RC3H2: variants seen among roughly 807,000 people sequenced by gnomAD.
The protein encoded by RC3H2 is ring finger and CCCH-type domains 2, also known as roquin-2.
RC3H2 carries 31 observed loss-of-function variants against 133.3 expected under a neutral mutation model. The ratio of observed to expected loss-of-function variants is 0.23; its 90% confidence interval spans 0.17 to 0.31. The LOEUF is 0.31. Ranked by LOEUF, RC3H2 falls within the 10% of genes least tolerant of loss-of-function variation. The pLI is 1.00. For missense variants in RC3H2, 1,175 were observed against 1,437.2 expected (o/e 0.82, Z 2.95); for synonymous variants, 517 against 502.2 (o/e 1.03, Z -0.40).
rs56340543 is a variant in RC3H2, at chr9:122,875,305, A to C, written c.1325+2166T>G. On this transcript the variant is annotated intron_variant, in intron 9 of 20. Coordinates refer to ENST00000357244, the MANE Select transcript of RC3H2 (RefSeq NM_001100588.3). ...GCTGCTTGTAGAGCTCATTATGTAC[A>C]GTGCCCAAGCTAGCCACTGAGGAAA... 2.1e-3 allele frequency: 3,181 copies of C among 1,550,590 alleles called. 17 individuals are homozygous for C. The highest frequency in any genetic ancestry group is 2.3e-3 in the Non-Finnish European group (2,601 of 1,147,002).
intron 9 of RC3H2, among the ~76,000 whole-genome samples, chr9:122,866,080 A>C (rs1484408932): frequency 6.6e-6 from 1 of 152,214 alleles, no homozygotes; most frequent in Non-Finnish European, 1.5e-5. Flanking sequence ...AAGGTATGCA[A>C]GAGCTGAAGC....
intron 10 of RC3H2, among the ~76,000 whole-genome samples, chr9:122,865,098 C>A (rs1393997918): frequency 6.6e-6 from 1 of 152,170 alleles, no homozygotes; most frequent in African/African-American, 2.4e-5. Context: ...CTGGTCCAGT[C>A]TCTTTGGGAG....
intron 9 of RC3H2, among the ~76,000 whole-genome samples, chr9:122,872,399 A>T (rs551969124): frequency 4.6e-5 from 7 of 152,360 alleles, no homozygotes; most frequent in African/African-American, 1.7e-4. Flanking sequence ...CCATCCATGC[A>T]GACACCAGAG....
intron 1 of RC3H2, among the ~76,000 whole-genome samples, chr9:122,902,832 TAGAG>T (rs1403840149): frequency 2.4e-4 from 34 of 139,392 alleles, no homozygotes; most frequent in African/African-American, 6.5e-4. Flanking sequence ...GCATGGGTGA[TAGAG>T]AGAGACTGTC....
chr9:122,851,990 G>A (rs1483299088), intron 18 of RC3H2, among the ~76,000 whole-genome samples: 1 of 150,770 alleles, frequency 6.6e-6, no homozygotes, highest in Non-Finnish European at 1.5e-5. Flanking sequence ...CCTCTGCCTG[G>A]CTGCCCAGTC....
chr9:122,893,490 T>A (rs543728623), intron 2 of RC3H2, among the ~76,000 whole-genome samples: 7 of 152,202 alleles, frequency 4.6e-5, no homozygotes, highest in African/African-American at 7.2e-5. Flanking sequence ...TGAGACTCCA[T>A]CTCAAAATAA....
intron 1 of RC3H2, among the ~76,000 whole-genome samples, chr9:122,899,451 G>A (rs1040393076): frequency 3.3e-5 from 5 of 151,952 alleles, no homozygotes; most frequent in African/African-American, 1.2e-4. Flanking sequence ...TGAATTACAG[G>A]GCTTGCTATG....
chr9:122,884,634 C>T (rs1831815672), intron 4 of RC3H2, among the ~76,000 whole-genome samples: 1 of 152,010 alleles, frequency 6.6e-6, no homozygotes, highest in Non-Finnish European at 1.5e-5. Context: ...GGGCACATCA[C>T]CTGAGGTCAT....
In RC3H2 at chr9:122,851,527, T is replaced by C. The variant is rs1411067685; in HGVS notation, c.3118-91A>G. ...TGGTCTCCCTCTCCCTCTCTTTCCA[T>C]GGTCTCCCTCTCATGCCGAGCCGAA... On this transcript the variant is annotated intron_variant, in intron 18 of 20. Coordinates refer to ENST00000357244, the MANE Select transcript of RC3H2 (RefSeq NM_001100588.3). 24 of 1,509,370 alleles carry C rather than the reference T, an allele frequency of 1.6e-5. No homozygotes were observed. In the Admixed American group the frequency reaches 1.8e-4, roughly 11 times the overall value. 93.5% of individuals were successfully genotyped at this position (1,509,370 alleles called of 1,614,324 possible).
chr9:122,850,619 A>G (rs1042901681), intron 20 of RC3H2, among the ~76,000 whole-genome samples: 5 of 150,952 alleles, frequency 3.3e-5, no homozygotes, highest in Admixed American at 3.3e-4. Flanking sequence ...ATTTTTTTGT[A>G]TTTTTGTAGA....
chr9:122,890,818 G>A (rs912546932), intron 3 of RC3H2, among the ~76,000 whole-genome samples: 3 of 151,932 alleles, frequency 2.0e-5, no homozygotes, highest in Non-Finnish European at 1.5e-5. Flanking sequence ...TTAATGGTAA[G>A]CTCTTAGATT....
intron 5 of RC3H2, among the ~76,000 whole-genome samples, chr9:122,881,150 A>G (rs1831604652): frequency 6.6e-6 from 1 of 152,202 alleles, no homozygotes; most frequent in African/African-American, 2.4e-5. Flanking sequence ...TGAAAGCTAC[A>G]TGAATTGATT....
rs1830309495 is a variant in RC3H2, at chr9:122,857,936, T to C, written c.2441A>G (p.Asp814Gly). 1 of 1,613,548 alleles carries C rather than the reference T, an allele frequency of 6.2e-7. No homozygotes were observed. The highest frequency in any genetic ancestry group is 1.7e-5 in the Admixed American group (1 of 59,864). Residue 814 changes from aspartate to glycine, a missense_variant, in exon 13 of 21, where the codon GAC becomes GGC. Asp to Gly is a moderately conservative substitution (Grantham distance 94, BLOSUM62 -1). Around this residue, in one of 8 missense-constraint regions of RC3H2, gnomAD observed 490 missense variants for 492.8 expected, o/e 0.99. Coordinates refer to ENST00000357244, the MANE Select transcript of RC3H2 (RefSeq NM_001100588.3). ...AACCTTTCTTACATCCGCACGAAAG[T>C]CTACACTGAACAGAGGAGAAGGTGG... Reference protein sequence around the residue: ...PTPPSPLFSVDFRADFSESVS... With the variant: ...PTPPSPLFSVGFRADFSESVS...
chr9:122,859,252 C>G, intron 11 of RC3H2, 150 bp from the exon 12 acceptor site: 1 of 188,808 alleles, frequency 5.3e-6, no homozygotes, highest in Non-Finnish European at 8.0e-6. Flanking sequence ...TATACCCTGG[C>G]TTTTTTTTTT....
rs1231520382 is a variant in RC3H2, at chr9:122,867,622, C to T, written c.1326-1965G>A. Among the ~76,000 whole-genome samples the T allele has an allele frequency of 1.6e-3, 192 of 121,166 alleles. 1 individual carries two copies. The highest frequency in any genetic ancestry group is 3.2e-3 in the Non-Finnish European group (174 of 54,400). 79.5% of individuals were successfully genotyped at this position (121,166 alleles called of 152,430 possible). A position where few individuals can be genotyped will look rare whatever the true frequency, so the allele number is the denominator to read the frequency against. Reference sequence around the variant, plus strand: ...GCCATCCCATCTAGGAAGTGAGGAGCGTCTCTGCCCGGCCACCCATTGTCT... The same window carrying T: ...GCCATCCCATCTAGGAAGTGAGGAGTGTCTCTGCCCGGCCACCCATTGTCT... On this transcript the variant is annotated intron_variant, in intron 9 of 20. Coordinates refer to ENST00000357244, the MANE Select transcript of RC3H2 (RefSeq NM_001100588.3).
rs200619819 is a variant in RC3H2, at chr9:122,854,573, G to A, written c.2858C>T (p.Ser953Leu). 85 of 1,613,408 alleles carry A rather than the reference G, an allele frequency of 5.3e-5. No individual in the cohort carries two copies. The highest frequency in any genetic ancestry group is 2.0e-4 in the Admixed American group (12 of 60,002). The change falls in exon 16 of 21, where the codon TCA (serine) becomes TTA (leucine). Residue 953 changes from serine to leucine, a missense_variant. Ser to Leu is a moderately radical substitution (Grantham distance 145, BLOSUM62 -2). Around this residue, in one of 8 missense-constraint regions of RC3H2, gnomAD observed 138 missense variants for 215.0 expected, o/e 0.64. Coordinates refer to ENST00000357244, the MANE Select transcript of RC3H2 (RefSeq NM_001100588.3). ...TGATGATGTGGCCTCGTTGCCATAT[G>A]AACTCCACCTTGAATCAACAGCATT... is the stretch of plus-strand genomic sequence containing the variant. ...YVNAVDSRWS[S>L]YGNEATSSAH... is the part of the protein sequence containing the mutation.
intron 4 of RC3H2, among the ~76,000 whole-genome samples, chr9:122,889,632 A>C (rs998665984): frequency 2.6e-5 from 4 of 152,302 alleles, no homozygotes; most frequent in Admixed American, 2.6e-4. Context: ...TATCCCCTAA[A>C]AACGATCAAG....
At chr9:122,866,980 A>C (rs550239431) in intron 9 of RC3H2, among the ~76,000 whole-genome samples, 1 of 104,550 alleles carries the variant, frequency 9.6e-6, no homozygotes, top group African/African-American at 3.8e-5. Flanking sequence ...CCGGCCACCC[A>C]TTGTCTGAGA....
intron 16 of RC3H2, 36 bp downstream of exon 16, chr9:122,854,495 G>A: frequency 6.0e-6 from 9 of 1,493,842 alleles, no homozygotes; most frequent in Non-Finnish European, 8.4e-6. Context: ...ACAAGTCTGA[G>A]AATGGAGAAT....
Sources: allele counts gnomAD v4.1 joint callset (sites outside exome capture counted in the v4.1 genomes callset), GRCh38; gene constraint gnomAD v4.1.1; regional missense constraint gnomAD v4.1.1; transcripts MANE v1.5; gene names NCBI Gene and HGNC (gene_info 2026-07-23, HGNC 2026-07-21).